Variants in RNF213 observed in about 807,000 individuals in gnomAD.
RNF213 encodes the protein E3 ubiquitin-protein ligase RNF213.
Under a neutral mutation model 514.4 loss-of-function variants are expected in RNF213, and 341 were observed. The ratio of observed to expected loss-of-function variants is 0.66; its 90% CI spans 0.61 to 0.73. The LOEUF (loss-of-function observed/expected upper bound fraction) is 0.73, where lower values mean the gene tolerates loss of function less well. RNF213 is among the 30% of genes least tolerant of loss of function. RNF213 has a pLI of 0.00. For missense variants in RNF213, 5,767 were observed against 6,615.6 expected (o/e 0.87, Z 4.45); for synonymous variants, 2,655 against 2,658.2 (o/e 1.00, Z 0.04).
At chr17:80,350,424 CTA>C in intron 31 of RNF213, 28 bp downstream of exon 31, 1 of 1,506,132 alleles carries the variant, frequency 6.6e-7, no homozygotes, top group African/African-American at 1.4e-5. Context: ...TTCTCAGAAA[CTA>C]TGTAAAAAAC....
chr17:80,389,789 G>C (rs1228468430), intron 65 of RNF213, 39 bp from the exon 66 acceptor site: 4 of 1,563,406 alleles, frequency 2.6e-6, no homozygotes, highest in Non-Finnish European at 3.5e-6. Context: ...GGGGGTGTGA[G>C]ACCTCAGCCC....
rs181165795 is a variant in RNF213, at chr17:80,388,974, T to G, written c.15001-199T>G. Reference sequence around the variant, plus strand: ...AACCGATTTGTTCCTGCTCTCCGCATGCGGGTACTGATAGGTAGACCTGTG... The same window carrying G: ...AACCGATTTGTTCCTGCTCTCCGCAGGCGGGTACTGATAGGTAGACCTGTG... On this transcript the variant is annotated intron_variant, in intron 64 of 67. Transcript: ENST00000582970. 585 of 632,306 alleles carry G rather than the reference T, an allele frequency of 9.3e-4. 1 individual carries two copies. The highest frequency in any genetic ancestry group is 1.3e-3 in the Non-Finnish European group (477 of 353,446). The allele number at this position is 632,306 out of a possible 1,614,324, so 39.2% of individuals were successfully genotyped here.
rs2078213797 is a variant in RNF213, at chr17:80,343,280, G to C, written c.6138G>C (p.Gln2046His). The C allele has an allele frequency of 1.2e-6, 2 of 1,613,460 alleles. No homozygotes were observed. Among genetic ancestry groups the C allele is most frequent in the East Asian group, 2.2e-5 (1 of 44,894 alleles). Residue 2046 changes from glutamine (Q) to histidine (H), a missense_variant, in exon 27 of 68, where the codon CAG becomes CAC. Physicochemically the swap from Gln to His is conservative, Grantham distance 24 (BLOSUM62 0). Coordinates refer to ENST00000582970, the MANE Select transcript of RNF213 (RefSeq NM_001256071.3). The surrounding 1 kb of genome is among the most constrained non-coding windows in gnomAD (Gnocchi z 4.3). ...LGALLPFLDA[Q>H]YQKVPVLFHL... ...CCCTGCTGCCCTTCCTGGATGCGCA[G>C]TATCAGAAGGTCCCCGTGCTCTTTC...
intron 32 of RNF213, chr17:80,352,700 T>C (rs1192988123): frequency 1.5e-6 from 1 of 654,038 alleles, no homozygotes; most frequent in African/African-American, 1.8e-5. Flanking sequence ...ACGCTGGCCA[T>C]TGCAGGTCTT....
chr17:80,298,485 C>A lies in RNF213; in HGVS notation c.2177C>A (p.Ser726Tyr). 6.2e-7 allele frequency: 1 copy of A among 1,614,186 alleles called. No homozygotes were observed. Among genetic ancestry groups the A allele is most frequent in the Non-Finnish European group, 8.5e-7 (1 of 1,180,038 alleles). Residue 726 changes from serine to tyrosine, a missense_variant, in exon 11 of 68, where the codon TCC becomes TAC. Physicochemically the swap from Ser to Tyr is moderately radical, Grantham distance 144. This residue lies in a region of RNF213 where 592 missense variants were observed against 673.9 expected (regional missense o/e 0.88). Transcript: ENST00000582970. ...ACCTGGGCCGCTCTGGAGGGACTCT[C>A]CTTCTCACCGTTCCGGGAACAAATG... is the stretch of plus-strand genomic sequence containing the variant. ...EDTWAALEGLSFSPFREQMLD... is the reference protein window; with the variant it reads ...EDTWAALEGLYFSPFREQMLD...
intron 59 of RNF213, among the ~76,000 whole-genome samples, chr17:80,384,603 C>T (rs2080159472): frequency 1.3e-5 from 2 of 152,068 alleles, no homozygotes. Context: ...ATACTGTGGC[C>T]TCTCTCTCAG....
chr17:80,336,080 C>A, intron 22 of RNF213, 81 bp from the exon 23 acceptor site: 1 of 1,137,168 alleles, frequency 8.8e-7, no homozygotes. Flanking sequence ...ATTTCAGCTT[C>A]AGTAAGGATT....
chr17:80,323,834 T>TTGG (rs1555656940), intron 17 of RNF213, among the ~76,000 whole-genome samples: 3 of 134,124 alleles, frequency 2.2e-5, no homozygotes, highest in African/African-American at 8.2e-5. Context: ...TACTTTTTTT[T>TTGG]GGGGGGGGGT....
chr17:80,293,065 A>ATT (rs1356951989), intron 8 of RNF213, among the ~76,000 whole-genome samples: 4 of 151,626 alleles, frequency 2.6e-5, no homozygotes, highest in African/African-American at 9.7e-5. Context: ...ATATATATAT[A>ATT]TTTTTTTTCT....
Position 80,339,956 on chromosome 17 carries a change from G to A in RNF213, c.5589G>A (p.Leu1863=). ...SQPLPTYDEV[L]LCTPATTFEE... is the part of the protein sequence containing the mutation. ...CCCTGCCCACTTACGATGAGGTGCT[G>A]CTCTGCACCCCGGCAACCACCTTTG... Residue 1863 remains leucine, a synonymous_variant, in exon 26 of 68, where the codon CTG becomes CTA. Coordinates refer to ENST00000582970, the MANE Select transcript of RNF213 (RefSeq NM_001256071.3). 2 of 1,537,030 alleles carry A rather than the reference G, an allele frequency of 1.3e-6. No individual in the cohort carries two copies. Among genetic ancestry groups the A allele is most frequent in the South Asian group, 1.2e-5 (1 of 84,068 alleles).
chr17:80,291,683 C>T lies in RNF213; in HGVS notation c.1327C>T (p.His443Tyr), dbSNP rs199729731. 6.2e-7 allele frequency: 1 copy of T among 1,614,154 alleles called. No homozygotes were observed. Among genetic ancestry groups the T allele is most frequent in the Admixed American group, 1.7e-5 (1 of 60,014 alleles). The change falls in exon 8 of 68, where the codon CAC becomes TAC. Residue 443 changes from histidine to tyrosine, a missense_variant. Physicochemically the swap from His to Tyr is moderately conservative, Grantham distance 83. Coordinates refer to ENST00000582970, the MANE Select transcript of RNF213 (RefSeq NM_001256071.3). ...AGGCATTGTCTGCATTTCCAAGAAG[C>T]ACCTAGATAAATACATTCCTTACAA... ...VEGIVCISKK[H>Y]LDKYIPYKYV...
At chr17:80,271,769 G>A (rs2145134172) in intron 2 of RNF213, among the ~76,000 whole-genome samples, 1 of 152,028 alleles carries the variant, frequency 6.6e-6, no homozygotes, top group African/African-American at 2.4e-5. Flanking sequence ...ACGAGGTCAG[G>A]AGTTCAAGAC....
rs1363207969 is a variant in RNF213, at chr17:80,327,812, T to G, written c.3194-4T>G. The G allele has an allele frequency of 5.9e-6, 9 of 1,535,564 alleles. No individual in the cohort carries two copies. The highest frequency in any genetic ancestry group is 7.9e-6 in the Non-Finnish European group (9 of 1,145,596). On this transcript the variant is annotated splice_region_variant and splice_polypyrimidine_tract_variant and intron_variant, in intron 18 of 67. Transcript: ENST00000582970. ...TGTGTTAACTGTGTTCTTCATCTAT[T>G]CAGGAACCGACGAGAAAATACTAGC...
intron 49 of RNF213, among the ~76,000 whole-genome samples, chr17:80,373,992 G>A (rs1486796328): frequency 4.7e-5 from 6 of 126,518 alleles, no homozygotes; most frequent in African/African-American, 9.3e-5. Flanking sequence ...GCGATAGAGC[G>A]AGACTCCGTC....
At position 80,385,535 on chromosome 17, in the gene RNF213, C is replaced by T. The variant is rs1381621104; in HGVS notation, c.14456-3C>T. On this transcript the variant is annotated splice_region_variant and splice_polypyrimidine_tract_variant and intron_variant, in intron 60 of 67. Coordinates refer to ENST00000582970, the MANE Select transcript of RNF213 (RefSeq NM_001256071.3). ...GGTTCTTACCAAGTATTCTGTTCAACAGATGGGTTGAGGCAGCTGCTTCAC... is the reference window on the plus strand; with the variant it reads ...GGTTCTTACCAAGTATTCTGTTCAATAGATGGGTTGAGGCAGCTGCTTCAC... The T allele has an allele frequency of 3.1e-6, 5 of 1,613,790 alleles. No homozygotes were observed. Among genetic ancestry groups the T allele is most frequent in the Non-Finnish European group, 4.2e-6 (5 of 1,179,796 alleles).
chr17:80,354,290 C>T, intron 35 of RNF213, 124 bp downstream of exon 35: 1 of 1,492,198 alleles, frequency 6.7e-7, no homozygotes, highest in Non-Finnish European at 9.3e-7. Flanking sequence ...GAAGCAGTGA[C>T]ACAGTGGGAA....
chr17:80,308,207 G>C (rs1032378660), intron 13 of RNF213, among the ~76,000 whole-genome samples: 3 of 151,800 alleles, frequency 2.0e-5, no homozygotes. Context: ...TCCAGTCTTC[G>C]TTCACCTCCT....
At chr17:80,358,613 T>TA (rs2078923043) in intron 37 of RNF213, 134 bp downstream of exon 37, 1 of 794,540 alleles carries the variant, frequency 1.3e-6, no homozygotes, top group East Asian at 2.8e-5. Flanking sequence ...CTTTCTGCAG[T>TA]AACAATAGGA....
At chr17:80,342,817 C>G (rs1284572919) in intron 26 of RNF213, among the ~76,000 whole-genome samples, 2 of 150,266 alleles carry the variant, frequency 1.3e-5, no homozygotes, top group African/African-American at 2.5e-5. Flanking sequence ...ACGATGACAA[C>G]TGCACCCTAA....
Sources: gnomAD v4.1 joint callset for allele counts (sites outside exome capture counted in the v4.1 genomes callset) on GRCh38, gnomAD v4.1.1 for gene constraint, gnomAD v4.1.1 regional missense constraint, Gnocchi (gnomAD v3.1) non-coding constraint, MANE v1.5 for transcripts, NCBI Gene and HGNC (gene_info 2026-07-23, HGNC 2026-07-21) for gene names.